The following CDH13 variants were observed in gnomAD, a reference collection of about 807,000 sequenced individuals.
CDH13 encodes cadherin 13, also known as cadherin-13.
A neutral mutation model predicts 63.8 loss-of-function variants in CDH13; 24 were observed. That is an observed-to-expected ratio of 0.38 (90% CI 0.27 to 0.53). The LOEUF (loss-of-function observed/expected upper bound fraction) is 0.53. Among genes scored for constraint, CDH13 ranks in the 20% least tolerant of loss-of-function variants. The pLI, the probability that CDH13 is intolerant of heterozygous loss-of-function variation, is 0.85. For missense variants in CDH13, 1,049 were observed against 903.1 expected (o/e 1.16, Z -2.07); for synonymous variants, 503 against 355.3 (o/e 1.42, Z -4.67).
chr16:83,075,469 A>C (rs2032766820), intron 3 of CDH13, among the ~76,000 whole-genome samples: 1 of 152,212 alleles, frequency 6.6e-6, no homozygotes. Context: ...TTCTTGACCT[A>C]GAATGGCCTA....
At chr16:82,797,726 C>T (rs912721240) in intron 1 of CDH13, among the ~76,000 whole-genome samples, 8 of 151,472 alleles carry the variant, frequency 5.3e-5, no homozygotes, top group Admixed American at 3.3e-4. Context: ...GGATAGAATT[C>T]AGTGAACAAT....
chr16:82,998,122 C>G lies in CDH13; in HGVS notation c.158-33888C>G, dbSNP rs1259873981. 2.0e-5 allele frequency among the ~76,000 whole-genome samples: 3 copies of G among 152,174 alleles called. No homozygotes were observed. In the East Asian group the frequency reaches 5.8e-4, roughly 29 times the overall value. ...CATAATCCTGTCCTTTCTATGGCTT[C>G]AAAGCCATCCACGTTTGTCTCTTGA... On this transcript the variant is annotated intron_variant, in intron 2 of 13. Transcript: ENST00000567109.
intron 10 of CDH13, among the ~76,000 whole-genome samples, chr16:83,696,289 G>A (rs151062988): frequency 1.1e-3 from 163 of 152,266 alleles, no homozygotes; most frequent in African/African-American, 3.6e-3. Context: ...GTGCAGGTTC[G>A]TTAAACACCT....
At chr16:83,085,199 T>C (rs2033508558) in intron 3 of CDH13, among the ~76,000 whole-genome samples, 1 of 152,052 alleles carries the variant, frequency 6.6e-6, no homozygotes, top group African/African-American at 2.4e-5. Flanking sequence ...GGCACTTCTT[T>C]CTTGGTGGCG....
intron 1 of CDH13, among the ~76,000 whole-genome samples, chr16:82,788,473 A>AC (rs141727320): frequency 0.044 from 6,687 of 152,024 alleles, 213 homozygotes; most frequent in Non-Finnish European, 0.069. Flanking sequence ...CTCTCAGAAG[A>AC]CCCTCCCTCC....
chr16:83,512,776 G>C (rs1259690914), intron 7 of CDH13, among the ~76,000 whole-genome samples: 1 of 152,098 alleles, frequency 6.6e-6, no homozygotes, highest in Non-Finnish European at 1.5e-5. Context: ...GACCAGTGTG[G>C]ACTAGAAGTA....
intron 10 of CDH13, among the ~76,000 whole-genome samples, chr16:83,689,165 T>A (rs1416677248): frequency 6.6e-6 from 1 of 152,220 alleles, no homozygotes; most frequent in African/African-American, 2.4e-5. Flanking sequence ...TATTTGAATA[T>A]AATTATCAGG....
At chr16:83,359,041 A>G (rs2091109619) in intron 6 of CDH13, among the ~76,000 whole-genome samples, 1 of 152,106 alleles carries the variant, frequency 6.6e-6, no homozygotes, top group Admixed American at 6.6e-5. Context: ...CAGAGAGGAA[A>G]ACTTTAAAGG....
intron 2 of CDH13, among the ~76,000 whole-genome samples, chr16:82,996,810 GTGGTGATGATGA>G (rs1216226930): frequency 6.6e-6 from 1 of 150,680 alleles, no homozygotes; most frequent in Non-Finnish European, 1.5e-5. Flanking sequence ...GATGGTGATG[GTGGTGATGATGA>G]TAGTGATGGT....
intron 3 of CDH13, among the ~76,000 whole-genome samples, chr16:83,115,680 C>T (rs2035259907): frequency 1.3e-5 from 2 of 152,176 alleles, no homozygotes; most frequent in Admixed American, 1.3e-4. Flanking sequence ...TCCCTGCCTG[C>T]CTGGAAGACG....
chr16:83,694,056 CTA>C (rs1905146281), intron 10 of CDH13, among the ~76,000 whole-genome samples: 2 of 152,112 alleles, frequency 1.3e-5, no homozygotes, highest in Middle Eastern at 3.2e-3. Flanking sequence ...CCAGCATGGG[CTA>C]TGTTAGGTGG....
At chr16:82,830,152 C>T (rs1268634412) in intron 1 of CDH13, among the ~76,000 whole-genome samples, 1 of 152,182 alleles carries the variant, frequency 6.6e-6, no homozygotes, top group Non-Finnish European at 1.5e-5. Flanking sequence ...GGGCTGGGAT[C>T]CATAGCCCAT....
intron 2 of CDH13, among the ~76,000 whole-genome samples, chr16:82,938,360 T>A (rs575093814): frequency 6.6e-6 from 1 of 152,356 alleles, no homozygotes; most frequent in African/African-American, 2.4e-5. Context: ...CTCAGTAAAC[T>A]GAGCAGATTA....
intron 4 of CDH13, among the ~76,000 whole-genome samples, chr16:83,154,383 T>C (rs1334199291): frequency 6.6e-6 from 1 of 151,894 alleles, no homozygotes; most frequent in Non-Finnish European, 1.5e-5. Flanking sequence ...GGTGAAACCC[T>C]GTCTCTACTA....
At chr16:83,392,356 A>C (rs1470122842) in intron 6 of CDH13, among the ~76,000 whole-genome samples, 3 of 152,222 alleles carry the variant, frequency 2.0e-5, no homozygotes, top group Non-Finnish European at 4.4e-5. Flanking sequence ...TATTATATAT[A>C]ACTTATATTG....
chr16:83,201,474 G>A (rs141219974), intron 4 of CDH13, among the ~76,000 whole-genome samples: 13 of 151,864 alleles, frequency 8.6e-5, no homozygotes, highest in East Asian at 5.8e-4. Flanking sequence ...TAGCAACAAT[G>A]TAATGAGCCA....
At chr16:83,429,449 C>G (rs756476999) in intron 6 of CDH13, among the ~76,000 whole-genome samples, 7 of 152,100 alleles carry the variant, frequency 4.6e-5, no homozygotes, top group Non-Finnish European at 1.0e-4. Context: ...ATGCCAGGCT[C>G]AGAGACTTCC....
chr16:82,850,287 T>G (rs1163908709), intron 1 of CDH13, among the ~76,000 whole-genome samples: 1 of 152,192 alleles, frequency 6.6e-6, no homozygotes, highest in Non-Finnish European at 1.5e-5. Flanking sequence ...TCAATCCTCA[T>G]GGATGATTTT....
chr16:82,828,664 G>GTGTA (rs1567576432), intron 1 of CDH13, among the ~76,000 whole-genome samples: 5 of 133,700 alleles, frequency 3.7e-5, no homozygotes, highest in East Asian at 9.0e-4. Flanking sequence ...GTGTGTGTGT[G>GTGTA]TATATATATA....
Sources: allele counts gnomAD v4.1 joint callset (sites outside exome capture counted in the v4.1 genomes callset), GRCh38; gene constraint gnomAD v4.1.1; transcripts MANE v1.5; gene names NCBI Gene and HGNC (gene_info 2026-07-23, HGNC 2026-07-21).